Variants in CFAP45 observed in about 807,000 individuals in gnomAD.
CFAP45 encodes cilia- and flagella-associated protein 45.
In CFAP45, 43 loss-of-function variants were observed where a neutral mutation model predicts 75.6. The observed-to-expected ratio is 0.57, with a 90% confidence interval of 0.45 to 0.73. The LOEUF (loss-of-function observed/expected upper bound fraction) is 0.73, where lower values mean the gene tolerates loss of function less well. Among genes scored for constraint, CFAP45 ranks in the 30% least tolerant of loss-of-function variants. The probability of loss-of-function intolerance (pLI) is 0.00; values close to 1 mark genes in which losing one functional copy is unlikely to be tolerated. For synonymous variants in CFAP45, 223 were observed against 244.6 expected, an observed-to-expected ratio of 0.91 and a Z score of 0.82; for missense variants, 689 against 701.5, an observed-to-expected ratio of 0.98 and a Z score of 0.20.
intron 11 of CFAP45, 60 bp from the exon 12 acceptor site, chr1:159,872,623 G>A: frequency 1.4e-6 from 2 of 1,460,970 alleles, no homozygotes; most frequent in Non-Finnish European, 9.6e-7. Flanking sequence ...GAGGTGGGAG[G>A]AAGCAGGCTC....
chr1:159,899,551 T>C (rs1231070448), intron 1 of CFAP45, among the ~76,000 whole-genome samples: 1 of 138,568 alleles, frequency 7.2e-6, no homozygotes, highest in African/African-American at 2.7e-5. Context: ...CACTGCAAGC[T>C]CCGCCTCCCG....
chr1:159,874,822 A>G (rs1192944629), intron 10 of CFAP45, among the ~76,000 whole-genome samples: 1 of 152,228 alleles, frequency 6.6e-6, no homozygotes, highest in East Asian at 1.9e-4. Flanking sequence ...AAGCCTGGTC[A>G]TCGTATTTTT....
At chr1:159,886,376 CT>C in intron 6 of CFAP45, 134 bp downstream of exon 6, 1 of 797,066 alleles carries the variant, frequency 1.3e-6, no homozygotes, top group Non-Finnish European at 2.1e-6. Context: ...CTATGTATCA[CT>C]TCGTAAAGTT....
chr1:159,874,694 A>C (rs927879649), intron 10 of CFAP45, among the ~76,000 whole-genome samples: 3 of 152,208 alleles, frequency 2.0e-5, no homozygotes, highest in African/African-American at 7.2e-5. Context: ...TGGTCGTTCC[A>C]TCGGGTTAGG....
chr1:159,888,057 C>T (rs1371703727), intron 4 of CFAP45, 46 bp from the exon 5 acceptor site: 1 of 1,591,780 alleles, frequency 6.3e-7, no homozygotes. Context: ...TTCATGCGCT[C>T]TGTGCCCTGG....
chr1:159,873,361 T>C (rs533933432), intron 10 of CFAP45, 193 bp from the exon 11 acceptor site: 37 of 597,844 alleles, frequency 6.2e-5, no homozygotes, highest in Middle Eastern at 8.9e-4. Context: ...CCCCTTCTCC[T>C]ACCCAGCCAG....
At chr1:159,895,276 C>T (rs1649928379) in intron 1 of CFAP45, among the ~76,000 whole-genome samples, 1 of 152,178 alleles carries the variant, frequency 6.6e-6, no homozygotes, top group Non-Finnish European at 1.5e-5. Context: ...TGCCCCACAC[C>T]TCTCTAAACT....
rs1468484799 is a variant in CFAP45 at position 159,872,424 on chromosome 1, T to G, written c.*61A>C. The G allele has an allele frequency of 2.4e-6, 3 of 1,257,858 alleles. No homozygotes were observed. The highest frequency in any genetic ancestry group is 1.5e-5 in the African/African-American group (1 of 67,874). 77.9% of individuals were successfully genotyped at this position (1,257,858 alleles called of 1,614,324 possible). A position where few individuals can be genotyped will look rare whatever the true frequency, so the allele number is the denominator to read the frequency against. Reference sequence around the variant, plus strand: ...TGTCTAGGTTAGCAGCAATTATGGATGCCCAGAGACTGGGCAGAATCTGTC... The same window carrying G: ...TGTCTAGGTTAGCAGCAATTATGGAGGCCCAGAGACTGGGCAGAATCTGTC... On this transcript the variant is annotated 3_prime_UTR_variant, in exon 12 of 12. Transcript: ENST00000368099.
chr1:159,893,377 AC>A, intron 1 of CFAP45, 72 bp from the exon 2 acceptor site: 1 of 1,483,138 alleles, frequency 6.7e-7, no homozygotes, highest in South Asian at 1.1e-5. Context: ...TCAACAATTC[AC>A]CAGCCCATGC....
intron 10 of CFAP45, among the ~76,000 whole-genome samples, chr1:159,874,477 A>G (rs1649355470): frequency 6.6e-6 from 1 of 152,212 alleles, no homozygotes; most frequent in South Asian, 2.1e-4. Context: ...CTGTATTTAG[A>G]CACCAAATCC....
intron 4 of CFAP45, among the ~76,000 whole-genome samples, 161 bp downstream of exon 4, chr1:159,888,191 A>C (rs566853701): frequency 1.3e-5 from 2 of 151,878 alleles, no homozygotes; most frequent in South Asian, 4.2e-4. Flanking sequence ...GGCTGCTCCC[A>C]CCTCTCATCT....
rs767892647 is a variant in CFAP45, at chr1:159,884,574, G to A, written c.768-9C>T. The A allele has an allele frequency of 6.2e-7, 1 of 1,612,604 alleles. No individual in the cohort carries two copies. Among genetic ancestry groups the A allele is most frequent in the Non-Finnish European group, 8.5e-7 (1 of 1,179,646 alleles). The stretch of plus-strand genomic sequence containing the variant: ...CAATTTGCCGCCTTCCTCTTGGAGA[G>A]AACAGTGCCACAGTGTCTTAGAAAC... On this transcript the variant is annotated splice_polypyrimidine_tract_variant and intron_variant, in intron 6 of 11. Coordinates refer to ENST00000368099, the MANE Select transcript of CFAP45 (RefSeq NM_012337.3).
At chr1:159,895,172 C>T (rs1032456783) in intron 1 of CFAP45, among the ~76,000 whole-genome samples, 4 of 152,288 alleles carry the variant, frequency 2.6e-5, no homozygotes, top group East Asian at 1.9e-4. Context: ...CAAGAGTAGA[C>T]GTCTATCTCT....
intron 2 of CFAP45, 135 bp from the exon 3 acceptor site, chr1:159,890,757 C>CTTTT (rs965390100): frequency 1.3e-3 from 406 of 318,976 alleles, no homozygotes; most frequent in East Asian, 3.2e-3. Context: ...CTTTTCTTTT[C>CTTTT]TTTTTTTTTT....
Position 159,872,940 on chromosome 1 carries a change from G to A in CFAP45, c.1577+4C>T, listed in dbSNP as rs747431591. The A allele has an allele frequency of 4.3e-6, 7 of 1,612,768 alleles. No individual in the cohort carries two copies. The highest frequency in any genetic ancestry group is 1.7e-4 in the Middle Eastern group (1 of 6,058). ...ATTTGGGAAAGGAGGAGATTCCAGC[G>A]CACCTCAGCTCTTCAAGCTTTTTCC... On this transcript the variant is annotated splice_donor_region_variant and intron_variant, in intron 11 of 11. Transcript: ENST00000368099.
rs1366249128 is a variant in CFAP45, at chr1:159,894,945, A to T, written c.4-1640T>A. Among the ~76,000 whole-genome samples, 3 of 152,220 alleles carry T rather than the reference A, an allele frequency of 2.0e-5. 1 individual carries two copies. The highest frequency in any genetic ancestry group is 4.1e-4 in the South Asian group (2 of 4,838). Reference sequence around the variant, plus strand: ...AGGAATTGGCAGTTTTGGGGGTGCAACAGTGCATCAGGGTCCTTGCCAGAC... The same window carrying T: ...AGGAATTGGCAGTTTTGGGGGTGCATCAGTGCATCAGGGTCCTTGCCAGAC... On this transcript the variant is annotated intron_variant, in intron 1 of 11. Transcript: ENST00000368099.
At chr1:159,892,857 A>C (rs1237377080) in intron 2 of CFAP45, among the ~76,000 whole-genome samples, 1 of 152,250 alleles carries the variant, frequency 6.6e-6, no homozygotes, top group Non-Finnish European at 1.5e-5. Flanking sequence ...TTAGCCCATC[A>C]GCCCTGCAAT....
At chr1:159,890,714 G>T in intron 2 of CFAP45, 92 bp from the exon 3 acceptor site, 6 of 1,042,610 alleles carry the variant, frequency 5.8e-6, no homozygotes, top group Middle Eastern at 2.4e-4. Context: ...GTGATGCCCT[G>T]TATCTGAGCA....
chr1:159,896,545 G>C (rs1351746842), intron 1 of CFAP45, among the ~76,000 whole-genome samples: 3 of 152,248 alleles, frequency 2.0e-5, no homozygotes, highest in African/African-American at 7.2e-5. Flanking sequence ...CTCTGGGCCA[G>C]AGGCAATAGC....
Sources: gnomAD v4.1 joint callset for allele counts (sites outside exome capture counted in the v4.1 genomes callset) on GRCh38, gnomAD v4.1.1 for gene constraint, MANE v1.5 for transcripts, NCBI Gene and HGNC (gene_info 2026-07-23, HGNC 2026-07-21) for gene names.